The following THBS2 variants were observed in gnomAD, a reference collection of about 807,000 sequenced individuals.
The protein encoded by THBS2 is thrombospondin-2.
Under a neutral mutation model 135.2 loss-of-function variants are expected in THBS2, and 47 were observed. That is an observed-to-expected ratio of 0.35 (90% CI 0.28 to 0.44). The LOEUF is 0.44. THBS2 is among the 20% of genes least tolerant of loss of function. The pLI is 1.00. For missense variants in THBS2, 1,288 were observed against 1,603.1 expected (o/e 0.80, Z 3.36); for synonymous variants, 639 against 633.8 (o/e 1.01, Z -0.12).
In THBS2 at chr6:169,216,010, A is replaced by G. The variant is rs1375367838; in HGVS notation, c.*1812T>C. The stretch of plus-strand genomic sequence containing the variant: ...ATGGTACATTCTAAATACTCACATC[A>G]TCGTCACTCCCACACCATTGTACGG... On this transcript the variant is annotated 3_prime_UTR_variant, in exon 22 of 22. Coordinates refer to ENST00000617924, the MANE Select transcript of THBS2 (RefSeq NM_003247.5). The G allele has an allele frequency of 1.3e-5, 2 of 152,404 alleles. No homozygotes were observed. The highest frequency in any genetic ancestry group is 1.9e-4 in the East Asian group (1 of 5,202). The allele number at this position is 152,404 out of a possible 1,614,324, so 9.4% of individuals were successfully genotyped here.
intron 10 of THBS2, among the ~76,000 whole-genome samples, chr6:169,233,283 A>T (rs56347245): frequency 0.14 from 20,990 of 151,988 alleles, 1,537 homozygotes; most frequent in Middle Eastern, 0.16. Flanking sequence ...CCCACACGCC[A>T]CCTTCCACAA....
chr6:169,222,200 C>A lies in THBS2; in HGVS notation c.3270G>T (p.Gly1090=). The A allele has an allele frequency of 6.2e-7, 1 of 1,601,928 alleles. No individual in the cohort carries two copies. The part of the protein sequence containing the change: ...NALWHTGNTP[G]QVRTLWHDPR... ...GGGCCTGGCCAGCCAACCTCACCTG[C>A]CCCGGCGTGTTCCCCGTGTGCCACA... Residue 1090 remains glycine, a synonymous_variant, in exon 19 of 22, where the codon GGG becomes GGT. Transcript: ENST00000617924.
In THBS2 at chr6:169,251,921, CT is replaced by C. The variant is rs1583424241; in HGVS notation, c.-22-1116del. On this transcript the variant is annotated intron_variant, in intron 1 of 21. Coordinates refer to ENST00000617924, the MANE Select transcript of THBS2 (RefSeq NM_003247.5). ...GTCCTGGCTCCGGAAGCAGCACGGC[CT>C]GCGGCCGGAGTCAGCACCAGGCTGA... 2.0e-5 allele frequency: 3 copies of C among 151,712 alleles called. No individual in the cohort carries two copies. In the East Asian group the frequency reaches 5.9e-4, roughly 30 times the overall value. 9.4% of individuals were successfully genotyped at this position (151,712 alleles called of 1,614,324 possible).
intron 10 of THBS2, chr6:169,234,400 C>T (rs1429728087): frequency 3.8e-6 from 1 of 266,580 alleles, no homozygotes; most frequent in African/African-American, 2.3e-5. Flanking sequence ...TACCCACACA[C>T]CACATACCAT....
rs1167954459 is a variant in THBS2, at chr6:169,225,131, G to A, written c.2773+14C>T. On this transcript the variant is annotated intron_variant, in intron 17 of 21. Transcript: ENST00000617924. ...CCATTTTCCTCCACGCCCATGAGCT[G>A]AGAGAGCACCCACCGTCCAAGTCCT... 6.2e-7 allele frequency: 1 copy of A among 1,613,134 alleles called. No individual in the cohort carries two copies. Among genetic ancestry groups the A allele is most frequent in the Admixed American group, 1.7e-5 (1 of 60,014 alleles).
chr6:169,248,669 GC>G lies in THBS2; in HGVS notation c.356del (p.Gly119AlafsTer52). ...AGGTGAGATCCAGCGTGTCCGCGGGGCCGTTGGAGACGATCTCGAACTGCCT... is the reference window on the plus strand; with the variant it reads ...AGGTGAGATCCAGCGTGTCCGCGGGGCGTTGGAGACGATCTCGAACTGCCT... ...SQRQFEIVSN[G>X]PADTLDLTYW... On this transcript the variant is annotated frameshift_variant, in exon 3 of 22. Coordinates refer to ENST00000617924, the MANE Select transcript of THBS2 (RefSeq NM_003247.5). LOFTEE classifies it high-confidence loss of function. The G allele has an allele frequency of 6.2e-7, 1 of 1,613,902 alleles. No individual in the cohort carries two copies. The highest frequency in any genetic ancestry group is 8.5e-7 in the Non-Finnish European group (1 of 1,179,866).
At position 169,252,108 on chromosome 6, in the gene THBS2, C is replaced by G. The variant is rs1457023837; in HGVS notation, c.-22-1302G>C. On this transcript the variant is annotated intron_variant, in intron 1 of 21. Coordinates refer to ENST00000617924, the MANE Select transcript of THBS2 (RefSeq NM_003247.5). This position sits in a 1 kb window ranked among gnomAD's most constrained non-coding sequence, Gnocchi z 4.3. ...CAAATGAAACTTCACCAGGGGCTGA[C>G]TTAGCCCAGCGAGCCACAGGCATGG... is the stretch of plus-strand genomic sequence containing the variant. The G allele has an allele frequency of 1.3e-5, 2 of 152,188 alleles. No homozygotes were observed. Among genetic ancestry groups the G allele is most frequent in the Non-Finnish European group, 2.9e-5 (2 of 68,040 alleles). The allele number at this position is 152,188 out of a possible 1,614,324, so 9.4% of individuals were successfully genotyped here.
intron 17 of THBS2, among the ~76,000 whole-genome samples, chr6:169,224,594 A>G (rs141117606): frequency 1.1e-4 from 16 of 152,314 alleles, no homozygotes; most frequent in Middle Eastern, 6.8e-3. Context: ...GAAGCCCCAG[A>G]GCACAGCTGT....
chr6:169,242,027 A>G lies in THBS2; in HGVS notation c.695-69T>C, dbSNP rs1562362732. 1.2e-5 allele frequency: 18 copies of G among 1,521,150 alleles called. No individual in the cohort carries two copies. The East Asian group carries it at 3.9e-4, about 33-fold the overall frequency. The allele number at this position is 1,521,150 out of a possible 1,614,324, so 94.2% of individuals were successfully genotyped here. On this transcript the variant is annotated intron_variant, in intron 4 of 21. Coordinates refer to ENST00000617924, the MANE Select transcript of THBS2 (RefSeq NM_003247.5). ...GGCCAGCAGCAGGGGCTGGGAACAG[A>G]GGGAGGATGACCCGCCCTGGCTCCC...
intron 21 of THBS2, among the ~76,000 whole-genome samples, chr6:169,219,332 G>GAGATATA (rs1779331108): frequency 3.1e-5 from 1 of 32,204 alleles, no homozygotes; most frequent in Non-Finnish European, 5.8e-5. Flanking sequence ...GGGTGGGTGT[G>GAGATATA]TGGGTGGGTG....
At chr6:169,236,164 T>TC (rs1181709966) in intron 9 of THBS2, among the ~76,000 whole-genome samples, 1 of 65,034 alleles carries the variant, frequency 1.5e-5, no homozygotes, top group Non-Finnish European at 2.9e-5. Context: ...CCACACTCAC[T>TC]CCCCATCCAC....
chr6:169,237,548 T>G (rs983396292), intron 8 of THBS2, 77 bp downstream of exon 8: 1 of 1,595,560 alleles, frequency 6.3e-7, no homozygotes, highest in African/African-American at 1.3e-5. Flanking sequence ...GCTCTGTCCC[T>G]TGCAAAGGTC....
Position 169,250,821 on chromosome 6 carries a change from A to C in THBS2, c.-22-15T>G, listed in dbSNP as rs772615606. The C allele has an allele frequency of 5.4e-5, 87 of 1,600,120 alleles. No individual in the cohort carries two copies. The highest frequency in any genetic ancestry group is 7.4e-5 in the Non-Finnish European group (87 of 1,171,152). On this transcript the variant is annotated splice_polypyrimidine_tract_variant and intron_variant, in intron 1 of 21. Transcript: ENST00000617924. ...CAGCTGAGCTCCTGGGAATACAGGA[A>C]ACCCTTGTTAGTGATGAGTCCACAG...
At position 169,248,721 on chromosome 6, in the gene THBS2, G is replaced by A; in HGVS notation, c.305C>T (p.Ala102Val). 6.2e-7 allele frequency: 1 copy of A among 1,613,838 alleles called. No homozygotes were observed. Among genetic ancestry groups the A allele is most frequent in the Non-Finnish European group, 8.5e-7 (1 of 1,180,026 alleles). ...QDGKSRGTLL[A>V]LEGPGLSQRQ... ...CTGGGAGAGACCGGGGCCCTCCAGA[G>A]CCAACAGCGTGCCCCTGGACTTGCC... is the stretch of plus-strand genomic sequence containing the variant. The change falls in exon 3 of 22, where the codon GCT becomes GTT. Residue 102 changes from alanine to valine, a missense_variant. Ala to Val is a moderately conservative substitution (Grantham distance 64). This residue lies in a region of THBS2 where 414 missense variants were observed against 447.0 expected (regional missense o/e 0.93). Transcript: ENST00000617924.
At chr6:169,251,908 G>A (rs1253986128) in intron 1 of THBS2, 1 of 150,034 alleles carries the variant, frequency 6.7e-6, no homozygotes, top group Non-Finnish European at 1.5e-5. Context: ...CCTGGCTCCG[G>A]AAGCAGCACG....
At position 169,239,702 on chromosome 6, in the gene THBS2, G is replaced by A. The variant is rs749364177; in HGVS notation, c.1033-7C>T. 2 of 1,581,822 alleles carry A rather than the reference G, an allele frequency of 1.3e-6. No homozygotes were observed. Among genetic ancestry groups the A allele is most frequent in the African/African-American group, 2.7e-5 (2 of 74,582 alleles). On this transcript the variant is annotated splice_region_variant and splice_polypyrimidine_tract_variant and intron_variant, in intron 6 of 21. Coordinates refer to ENST00000617924, the MANE Select transcript of THBS2 (RefSeq NM_003247.5). ...GGCAAATGGTTTTAAATTTCTACAAGTGAAGAAAGGCATGCATGGAACACT... is the reference window on the plus strand; with the variant it reads ...GGCAAATGGTTTTAAATTTCTACAAATGAAGAAAGGCATGCATGGAACACT...
In THBS2 at chr6:169,232,693, C is replaced by A. The variant is rs780999116; in HGVS notation, c.1903G>T (p.Gly635Cys). Reference sequence around the variant, plus strand: ...TTTTCCGTCTTGGCTGCTTCCAGGCCGACCCCGACGGGCTGGTTCCCTCTG... The same window carrying A: ...TTTTCCGTCTTGGCTGCTTCCAGGCAGACCCCGACGGGCTGGTTCCCTCTG... ...RYRGNQPVGV[G>C]LEAAKTEKQV... The change falls in exon 12 of 22, where the codon GGC (glycine) becomes TGC (cysteine). Residue 635 changes from glycine (G) to cysteine (C), a missense_variant. By Grantham distance (159) the Gly-to-Cys change is radical. Coordinates refer to ENST00000617924, the MANE Select transcript of THBS2 (RefSeq NM_003247.5). 5 of 1,610,906 alleles carry A rather than the reference C, an allele frequency of 3.1e-6. No homozygotes were observed. The highest frequency in any genetic ancestry group is 4.2e-6 in the Non-Finnish European group (5 of 1,178,636).
At position 169,216,118 on chromosome 6, in the gene THBS2, T is replaced by A. The variant is rs1416927011; in HGVS notation, c.*1704A>T. ...ATGAAGTATCCCAACGCTTCGTTGGTCTCGGGAATACAGCTCCACACGCAA... is the reference window on the plus strand; with the variant it reads ...ATGAAGTATCCCAACGCTTCGTTGGACTCGGGAATACAGCTCCACACGCAA... On this transcript the variant is annotated 3_prime_UTR_variant, in exon 22 of 22. Coordinates refer to ENST00000617924, the MANE Select transcript of THBS2 (RefSeq NM_003247.5). 6.6e-6 allele frequency: 1 copy of A among 152,050 alleles called. No homozygotes were observed. The highest frequency in any genetic ancestry group is 2.4e-5 in the African/African-American group (1 of 41,382). 9.4% of individuals were successfully genotyped at this position (152,050 alleles called of 1,614,324 possible). A position where few individuals can be genotyped will look rare whatever the true frequency, so the allele number is the denominator to read the frequency against.
intron 15 of THBS2, 39 bp downstream of exon 15, chr6:169,228,083 A>T (rs773492528): frequency 7.7e-6 from 12 of 1,561,638 alleles, no homozygotes; most frequent in Non-Finnish European, 1.0e-5. Context: ...TCAAAAAAAA[A>T]AAAAAAGTGC....
Sources: allele counts gnomAD v4.1 joint callset (sites outside exome capture counted in the v4.1 genomes callset), GRCh38; gene constraint gnomAD v4.1.1; regional missense constraint gnomAD v4.1.1; non-coding constraint Gnocchi (gnomAD v3.1); transcripts MANE v1.5; gene names NCBI Gene and HGNC (gene_info 2026-07-23, HGNC 2026-07-21).